The following LHFPL6 variants were observed in gnomAD, a reference collection of about 807,000 sequenced individuals.
LHFPL6 encodes the protein LHFPL tetraspan subfamily member 6 protein.
In LHFPL6, 9 loss-of-function variants were observed where a neutral mutation model predicts 20.6. The observed-to-expected ratio is 0.44, with a 90% CI of 0.26 to 0.76. The LOEUF is 0.76. Ranked by LOEUF, LHFPL6 falls within the 30% of genes least tolerant of loss-of-function variation. The pLI is 0.20. For synonymous variants in LHFPL6, 105 were observed against 98.7 expected, an observed-to-expected ratio of 1.06 and a Z score of -0.38; for missense variants, 218 against 253.5, an observed-to-expected ratio of 0.86 and a Z score of 0.95.
chr13:39,407,547 CA>C (rs1285402495), intron 2 of LHFPL6, among the ~76,000 whole-genome samples: 2 of 152,232 alleles, frequency 1.3e-5, no homozygotes, highest in Non-Finnish European at 2.9e-5. Flanking sequence ...GTCATGTCAT[CA>C]AAACTTGCTA....
At chr13:39,474,142 G>A (rs912717271) in intron 2 of LHFPL6, among the ~76,000 whole-genome samples, 1 of 152,086 alleles carries the variant, frequency 6.6e-6, no homozygotes, top group Admixed American at 6.5e-5. Context: ...ATATTTTATG[G>A]GTATGCCTTT....
intron 2 of LHFPL6, among the ~76,000 whole-genome samples, chr13:39,384,346 G>A (rs1391984022): frequency 6.6e-6 from 1 of 152,202 alleles, no homozygotes. Context: ...GATTTCTGAA[G>A]AGGATACTTC....
At chr13:39,380,225 T>C (rs981300940) in intron 2 of LHFPL6, among the ~76,000 whole-genome samples, 2 of 152,230 alleles carry the variant, frequency 1.3e-5, no homozygotes, top group African/African-American at 2.4e-5. Context: ...GTAGCACCAC[T>C]TTCTGAGAAG....
chr13:39,572,417 T>G (rs1016356732), intron 2 of LHFPL6, among the ~76,000 whole-genome samples: 1 of 152,022 alleles, frequency 6.6e-6, no homozygotes, highest in Non-Finnish European at 1.5e-5. Context: ...AGATCTTCTA[T>G]GAATATATGT....
intron 2 of LHFPL6, among the ~76,000 whole-genome samples, chr13:39,589,226 C>T (rs1006176407): frequency 6.6e-6 from 1 of 152,136 alleles, no homozygotes; most frequent in Non-Finnish European, 1.5e-5. Context: ...CCTGCCTCAG[C>T]CTCCTGAGTA....
chr13:39,592,096 C>CA (rs997281311), intron 2 of LHFPL6, among the ~76,000 whole-genome samples: 274 of 120,134 alleles, frequency 2.3e-3, no homozygotes, highest in Middle Eastern at 9.2e-3. Flanking sequence ...AACTCCGTCT[C>CA]AAAAAAAAAA....
At chr13:39,361,675 C>T (rs1015194550) in intron 3 of LHFPL6, among the ~76,000 whole-genome samples, 1 of 152,140 alleles carries the variant, frequency 6.6e-6, no homozygotes, top group Non-Finnish European at 1.5e-5. Context: ...AAGTCGCAAA[C>T]CGTAAGCATA....
At chr13:39,525,414 G>A (rs544554727) in intron 2 of LHFPL6, among the ~76,000 whole-genome samples, 17 of 152,112 alleles carry the variant, frequency 1.1e-4, no homozygotes, top group South Asian at 2.1e-4. Context: ...ATCTTTTGTC[G>A]TAATATCGTA....
intron 2 of LHFPL6, among the ~76,000 whole-genome samples, chr13:39,599,310 A>G (rs542079003): frequency 6.6e-6 from 1 of 152,368 alleles, no homozygotes; most frequent in South Asian, 2.1e-4. Context: ...CTTTATTCTT[A>G]CAGAAAAAAA....
In LHFPL6 at chr13:39,360,811, T is replaced by C. The variant is rs769045867; in HGVS notation, c.485-16757A>G. On this transcript the variant is annotated intron_variant, in intron 3 of 3. Transcript: ENST00000379589. ...AAATGCATTCTTTTATATTCAATGG[T>C]ATAAGTTTCCCTTCTGGATTCCCAC... Among the ~76,000 whole-genome samples the C allele has an allele frequency of 6.3e-5, 6 of 95,212 alleles. 3 individuals are homozygous for C. The highest frequency in any genetic ancestry group is 9.9e-5 in the Non-Finnish European group (4 of 40,512). 62.5% of individuals were successfully genotyped at this position (95,212 alleles called of 152,430 possible).
chr13:39,586,112 C>T (rs1036004495), intron 2 of LHFPL6, among the ~76,000 whole-genome samples: 13 of 151,594 alleles, frequency 8.6e-5, no homozygotes, highest in African/African-American at 2.4e-4. Flanking sequence ...AAAAAGAAAA[C>T]GCCAAATTGT....
At chr13:39,346,943 A>G (rs1416520311) in intron 3 of LHFPL6, among the ~76,000 whole-genome samples, 2 of 152,102 alleles carry the variant, frequency 1.3e-5, no homozygotes, top group Admixed American at 6.6e-5. Flanking sequence ...ATAAGCACAC[A>G]GACATCAAGC....
rs912916737 is a variant in LHFPL6 at position 39,603,044 on chromosome 13, A to C, written c.-336T>G. On this transcript the variant is annotated 5_prime_UTR_variant, in exon 1 of 4. Coordinates refer to ENST00000379589, the MANE Select transcript of LHFPL6 (RefSeq NM_005780.3). ...ACCCCGGGGCCCGACCTGGAAGAGC[A>C]GGGGTTGGCAGGAGGCGGAGGGTCT... The C allele has an allele frequency of 1.3e-5, 2 of 152,444 alleles. No individual in the cohort carries two copies. Among genetic ancestry groups the C allele is most frequent in the Non-Finnish European group, 2.9e-5 (2 of 68,280 alleles). 9.4% of individuals were successfully genotyped at this position (152,444 alleles called of 1,614,324 possible).
chr13:39,532,412 C>T (rs1288424006), intron 2 of LHFPL6, among the ~76,000 whole-genome samples: 1 of 152,032 alleles, frequency 6.6e-6, no homozygotes, highest in Non-Finnish European at 1.5e-5. Context: ...ACTATTTTTT[C>T]CAGTAAAATC....
chr13:39,575,980 A>T (rs2138534865), intron 2 of LHFPL6, among the ~76,000 whole-genome samples: 1 of 152,318 alleles, frequency 6.6e-6, no homozygotes, highest in African/African-American at 2.4e-5. Context: ...CTACCTTGCA[A>T]GGAGCCCTAG....
At chr13:39,563,965 C>G (rs1871630945) in intron 2 of LHFPL6, among the ~76,000 whole-genome samples, 2 of 152,002 alleles carry the variant, frequency 1.3e-5, no homozygotes. Flanking sequence ...GTATATCCCC[C>G]AAAGGTGATA....
intron 2 of LHFPL6, among the ~76,000 whole-genome samples, chr13:39,440,378 A>C (rs756403537): frequency 6.6e-6 from 1 of 152,180 alleles, no homozygotes; most frequent in Non-Finnish European, 1.5e-5. Context: ...CCAGTAATTT[A>C]AGCCCTCTGG....
At chr13:39,383,864 G>T (rs868336962) in intron 2 of LHFPL6, among the ~76,000 whole-genome samples, 12 of 152,176 alleles carry the variant, frequency 7.9e-5, no homozygotes, top group African/African-American at 2.9e-4. Flanking sequence ...GTGACATTTT[G>T]GGAGTGATTT....
In LHFPL6 at chr13:39,562,449, C is replaced by T. The variant is rs951951374; in HGVS notation, c.385+38383G>A. 8.6e-4 allele frequency among the ~76,000 whole-genome samples: 68 copies of T among 78,976 alleles called. 1 individual carries two copies. Among genetic ancestry groups the T allele is most frequent in the African/African-American group, 1.1e-3 (26 of 24,022 alleles). 51.8% of individuals were successfully genotyped at this position (78,976 alleles called of 152,430 possible). A position where few individuals can be genotyped will look rare whatever the true frequency, so the allele number is the denominator to read the frequency against. Reference sequence around the variant, plus strand: ...ATATATACATATATACATATATACACATATATACATATATACACATATACA... The same window carrying T: ...ATATATACATATATACATATATACATATATATACATATATACACATATACA... On this transcript the variant is annotated intron_variant, in intron 2 of 3. Coordinates refer to ENST00000379589, the MANE Select transcript of LHFPL6 (RefSeq NM_005780.3).
Sources: gnomAD v4.1 joint callset for allele counts (sites outside exome capture counted in the v4.1 genomes callset) on GRCh38, gnomAD v4.1.1 for gene constraint, MANE v1.5 for transcripts, NCBI Gene and HGNC (gene_info 2026-07-23, HGNC 2026-07-21) for gene names.